Variants in RBM25 observed in about 807,000 individuals in gnomAD.
The protein encoded by RBM25 is RNA binding motif protein 25, also known as RNA-binding protein 25.
In RBM25, 19 loss-of-function variants were observed where a neutral mutation model predicts 120.7. That is an observed-to-expected ratio of 0.16 (90% confidence interval 0.11 to 0.23). RBM25 has a LOEUF of 0.23. Among genes scored for constraint, RBM25 ranks in the 10% least tolerant of loss-of-function variants. RBM25 has a pLI of 1.00. For synonymous variants in RBM25, 390 were observed against 326.7 expected, an observed-to-expected ratio of 1.19 and a Z score of -2.09; for missense variants, 605 against 1,041.5, an observed-to-expected ratio of 0.58 and a Z score of 5.77.
chr14:73,097,334 G>A (rs187437571), intron 7 of RBM25, among the ~76,000 whole-genome samples: 23 of 151,416 alleles, frequency 1.5e-4, no homozygotes, highest in East Asian at 9.7e-4. Context: ...CTGAGTAGCT[G>A]GGACTACAGG....
chr14:73,096,829 A>G, intron 6 of RBM25, 86 bp from the exon 7 acceptor site: 1 of 1,169,622 alleles, frequency 8.5e-7, no homozygotes, highest in Non-Finnish European at 1.2e-6. Context: ...TTGAGAAAAC[A>G]TGTATGTTTA....
intron 10 of RBM25, among the ~76,000 whole-genome samples, chr14:73,104,586 C>T (rs1465148637): frequency 1.3e-5 from 2 of 151,824 alleles, no homozygotes; most frequent in Admixed American, 6.6e-5. Context: ...CAGCTGGTCT[C>T]GAACTCCTGA....
At chr14:73,080,236 TTTTTTG>T (rs1324072048) in intron 4 of RBM25, among the ~76,000 whole-genome samples, 5 of 135,582 alleles carry the variant, frequency 3.7e-5, no homozygotes, top group Admixed American at 1.5e-4. Context: ...TTTTTTTTTT[TTTTTTG>T]AGATGGAGTC....
At chr14:73,058,834 G>C (rs1448678997) in intron 1 of RBM25, 129 bp downstream of exon 1, 1 of 151,702 alleles carries the variant, frequency 6.6e-6, no homozygotes, top group Non-Finnish European at 1.5e-5. Flanking sequence ...GCGGAGGCGG[G>C]GGTGGGGGAG....
chr14:73,076,254 T>C, intron 2 of RBM25, 65 bp from the exon 3 acceptor site: 4 of 1,284,210 alleles, frequency 3.1e-6, no homozygotes, highest in Non-Finnish European at 4.5e-6. Flanking sequence ...GGATACTTAA[T>C]TGTGTGGCAT....
rs1406303223 is a variant in RBM25, at chr14:73,097,050, C to G, written c.679C>G (p.Gln227Glu). The G allele has an allele frequency of 6.2e-7, 1 of 1,613,520 alleles. No individual in the cohort carries two copies. The change falls in exon 7 of 19, where the codon CAG becomes GAG. Residue 227 changes from glutamine (Q) to glutamate (E), a missense_variant. Gln to Glu is a conservative substitution (Grantham distance 29). This residue lies in a region of RBM25 where 465 missense variants were observed against 741.6 expected (regional missense o/e 0.63). Coordinates refer to ENST00000261973, the MANE Select transcript of RBM25 (RefSeq NM_021239.3). ...CTCCAGTGAGCTAAATGCCCCCTCA[C>G]AGGAATCTGATTCTCACCCCAGGAA... The part of the protein sequence containing the change: ...EYSSELNAPS[Q>E]ESDSHPRKKK...
intron 4 of RBM25, among the ~76,000 whole-genome samples, chr14:73,080,771 T>C (rs1191432761): frequency 6.6e-6 from 1 of 152,060 alleles, no homozygotes; most frequent in Admixed American, 6.6e-5. Flanking sequence ...TTAGCAGAAC[T>C]AGGTTATGTG....
chr14:73,085,313 G>A (rs1566588983), intron 5 of RBM25, among the ~76,000 whole-genome samples: 2 of 149,756 alleles, frequency 1.3e-5, no homozygotes, highest in South Asian at 4.2e-4. Context: ...CACCGCGCCC[G>A]GCCTCATCAG....
intron 1 of RBM25, among the ~76,000 whole-genome samples, chr14:73,062,585 G>GA (rs1484030634): frequency 6.6e-6 from 1 of 151,234 alleles, no homozygotes; most frequent in Non-Finnish European, 1.5e-5. Context: ...TAAGAGTGCA[G>GA]AAAAAAATAG....
At position 73,119,794 on chromosome 14, in the gene RBM25, C is replaced by A; in HGVS notation, c.2521C>A (p.Leu841Ile). The A allele has an allele frequency of 6.2e-7, 1 of 1,605,284 alleles. No individual in the cohort carries two copies. The highest frequency in any genetic ancestry group is 1.1e-5 in the South Asian group (1 of 88,316). ...IYETEAKKIG[L>I]VK The stretch of plus-strand genomic sequence containing the variant: ...TGAAACAGAAGCCAAGAAAATTGGT[C>A]TTGTGAAGTAAAACTTTTTATATTT... Residue 841 changes from leucine to isoleucine, a missense_variant, in exon 19 of 19, where the codon CTT becomes ATT. Transcript: ENST00000261973.
chr14:73,108,189 A>G (rs1896229721), intron 13 of RBM25, among the ~76,000 whole-genome samples: 1 of 152,168 alleles, frequency 6.6e-6, no homozygotes, highest in South Asian at 2.1e-4. Context: ...CTGATTTTTA[A>G]AATTTTTTCT....
intron 2 of RBM25, among the ~76,000 whole-genome samples, chr14:73,073,160 G>T (rs1895334139): frequency 6.6e-6 from 1 of 152,046 alleles, no homozygotes; most frequent in African/African-American, 2.4e-5. Flanking sequence ...AACTTCTGGG[G>T]TCAAGGTATA....
intron 6 of RBM25, among the ~76,000 whole-genome samples, chr14:73,096,381 C>T (rs910865528): frequency 5.3e-5 from 8 of 152,094 alleles, no homozygotes; most frequent in South Asian, 4.1e-4. Flanking sequence ...TATAAGCACT[C>T]GTAGAAAGCA....
intron 7 of RBM25, 57 bp downstream of exon 7, chr14:73,097,157 C>G: frequency 1.1e-6 from 1 of 902,200 alleles, no homozygotes; most frequent in South Asian, 2.7e-5. Flanking sequence ...TGATATCACT[C>G]TTATACTTTG....
intron 4 of RBM25, 74 bp downstream of exon 4, chr14:73,077,610 C>T (rs1012987540): frequency 1.5e-6 from 2 of 1,326,934 alleles, no homozygotes; most frequent in African/African-American, 3.0e-5. Flanking sequence ...AGAAAGAAGA[C>T]TTTCAGTGAT....
At chr14:73,116,912 A>G (rs1313384603) in intron 18 of RBM25, among the ~76,000 whole-genome samples, 2 of 152,154 alleles carry the variant, frequency 1.3e-5, no homozygotes, top group Non-Finnish European at 2.9e-5. Flanking sequence ...CCTTGTAAAT[A>G]TTTCTTGAAT....
chr14:73,104,628 A>G (rs1896141459), intron 10 of RBM25, among the ~76,000 whole-genome samples: 1 of 152,150 alleles, frequency 6.6e-6, no homozygotes, highest in Non-Finnish European at 1.5e-5. Context: ...CAGCCTCCCA[A>G]AGTGCTGGGA....
chr14:73,115,188 GTT>G (rs1555347334), intron 18 of RBM25, among the ~76,000 whole-genome samples: 3 of 142,922 alleles, frequency 2.1e-5, no homozygotes, highest in Admixed American at 1.4e-4. Flanking sequence ...GTGTGTGTGT[GTT>G]TTAAGTCGGA....
chr14:73,110,760 G>A, intron 14 of RBM25, 71 bp from the exon 15 acceptor site: 1 of 1,500,092 alleles, frequency 6.7e-7, no homozygotes, highest in Non-Finnish European at 8.9e-7. Flanking sequence ...TTTTACAAGA[G>A]GTAATGTAAA....
Sources: allele counts gnomAD v4.1 joint callset (sites outside exome capture counted in the v4.1 genomes callset), GRCh38; gene constraint gnomAD v4.1.1; regional missense constraint gnomAD v4.1.1; transcripts MANE v1.5; gene names NCBI Gene and HGNC (gene_info 2026-07-23, HGNC 2026-07-21).